Variants in KDSR observed in about 807,000 individuals in gnomAD.
The protein encoded by KDSR is 3-dehydrosphinganine reductase.
In KDSR, 23 loss-of-function variants were observed where a neutral mutation model predicts 41.3. The ratio of observed to expected loss-of-function variants is 0.56; its 90% CI spans 0.40 to 0.79. The LOEUF (loss-of-function observed/expected upper bound fraction) is 0.79. Ranked by LOEUF, KDSR falls within the 30% of genes least tolerant of loss-of-function variation. KDSR has a pLI of 0.00. For synonymous variants in KDSR, 138 were observed against 151.7 expected (o/e 0.91, Z 0.66); for missense variants, 351 against 416.8 (o/e 0.84, Z 1.37).
intron 1 of KDSR, chr18:63,366,468 GA>G (rs1915139977): frequency 1.3e-5 from 2 of 152,868 alleles, no homozygotes; most frequent in Admixed American, 1.3e-4. Flanking sequence ...TCACTTCCTG[GA>G]ATCCTCTGGC....
At position 63,355,573 on chromosome 18, in the gene KDSR, A is replaced by G. The variant is rs780045594; in HGVS notation, c.256-10T>C. On this transcript the variant is annotated splice_polypyrimidine_tract_variant and intron_variant, in intron 3 of 9. Transcript: ENST00000645214. The stretch of plus-strand genomic sequence containing the variant: ...ATATGCAAAGCACCACCTGTTAAAA[A>G]AGAAAAAAAGTGATCAAAGTTTTGC... 23 of 1,562,166 alleles carry G rather than the reference A, an allele frequency of 1.5e-5. No individual in the cohort carries two copies. The Admixed American group carries it at 2.0e-4, about 14-fold the overall frequency.
intron 1 of KDSR, among the ~76,000 whole-genome samples, chr18:63,363,864 A>T (rs1915060966): frequency 6.6e-6 from 1 of 152,206 alleles, no homozygotes; most frequent in Admixed American, 6.5e-5. Flanking sequence ...ATTCACTGTT[A>T]TACATAAATC....
chr18:63,348,620 C>A (rs138021861), intron 6 of KDSR, among the ~76,000 whole-genome samples: 17 of 152,162 alleles, frequency 1.1e-4, no homozygotes, highest in Admixed American at 2.6e-4. Flanking sequence ...CAGACTTGAG[C>A]GTGCAGGCCG....
intron 5 of KDSR, among the ~76,000 whole-genome samples, chr18:63,351,989 G>A (rs2144367241): frequency 6.6e-6 from 1 of 152,112 alleles, no homozygotes; most frequent in East Asian, 1.9e-4. Context: ...CTTTTATTTT[G>A]CCTAGGCTGG....
At chr18:63,363,381 C>T (rs1447213516) in intron 1 of KDSR, among the ~76,000 whole-genome samples, 2 of 111,494 alleles carry the variant, frequency 1.8e-5, no homozygotes, top group East Asian at 5.8e-4. Flanking sequence ...CTCCCCCGAC[C>T]CCACCACAGT....
rs1225454218 is a variant in KDSR, at chr18:63,330,404, G to A, written c.*1378C>T. On this transcript the variant is annotated 3_prime_UTR_variant, in exon 10 of 10. Transcript: ENST00000645214. ...GTGTGAACAATGAGCAGGATGCAAC[G>A]GGGAATGTTGGCTAAAACTCATCAG... The A allele has an allele frequency of 1.7e-5, 4 of 228,672 alleles. No homozygotes were observed. The highest frequency in any genetic ancestry group is 2.6e-5 in the Non-Finnish European group (3 of 115,272). The allele number at this position is 228,672 out of a possible 1,614,324, so 14.2% of individuals were successfully genotyped here. A position where few individuals can be genotyped will look rare whatever the true frequency, so the allele number is the denominator to read the frequency against.
At chr18:63,336,760 A>G (rs1175485714) in intron 8 of KDSR, among the ~76,000 whole-genome samples, 2 of 152,204 alleles carry the variant, frequency 1.3e-5, no homozygotes, top group Non-Finnish European at 2.9e-5. Context: ...CTAACCTTTA[A>G]GAAACTACCA....
chr18:63,334,232 A>G (rs539258047), intron 9 of KDSR, among the ~76,000 whole-genome samples: 41 of 152,352 alleles, frequency 2.7e-4, no homozygotes, highest in African/African-American at 6.7e-4. Context: ...AGTCATTTAT[A>G]TAAGTCTGAA....
In KDSR at chr18:63,328,414, G is replaced by A. The variant is rs368851860; in HGVS notation, c.*3368C>T. The A allele has an allele frequency of 3.9e-5, 6 of 155,010 alleles. No homozygotes were observed. The highest frequency in any genetic ancestry group is 1.6e-4 in the East Asian group (1 of 6,142). The allele number at this position is 155,010 out of a possible 1,614,324, so 9.6% of individuals were successfully genotyped here. ...GTCACCTAGGCTGGAGTGCAGTGGC[G>A]CAATCTTGGCTCACTGCAACCTCTG... On this transcript the variant is annotated 3_prime_UTR_variant, in exon 10 of 10. Transcript: ENST00000645214.
chr18:63,340,829 G>A (rs1914322671), intron 7 of KDSR, among the ~76,000 whole-genome samples: 1 of 152,178 alleles, frequency 6.6e-6, no homozygotes, highest in Non-Finnish European at 1.5e-5. Flanking sequence ...GTAGTTATAA[G>A]GCACTTTGTA....
In KDSR at chr18:63,355,168, T is replaced by C. The variant is rs375586149; in HGVS notation, c.417+36A>G. ...CCCGTAGCTTGCTCTGCTTTTAGCA[T>C]ATGTGCTACTGCAGTGAGCAAACAT... On this transcript the variant is annotated intron_variant, in intron 5 of 9. Transcript: ENST00000645214. 42 of 1,343,164 alleles carry C rather than the reference T, an allele frequency of 3.1e-5. No individual in the cohort carries two copies. The African/African-American group carries it at 5.7e-4, about 18-fold the overall frequency. 83.2% of individuals were successfully genotyped at this position (1,343,164 alleles called of 1,614,324 possible). A position where few individuals can be genotyped will look rare whatever the true frequency, so the allele number is the denominator to read the frequency against.
At chr18:63,340,893 T>G (rs1914324137) in intron 7 of KDSR, among the ~76,000 whole-genome samples, 1 of 152,166 alleles carries the variant, frequency 6.6e-6, no homozygotes, top group Non-Finnish European at 1.5e-5. Context: ...TCCCCAGCCC[T>G]CCTGCCCTGC....
At chr18:63,335,169 C>T in intron 9 of KDSR, 88 bp downstream of exon 9, 2 of 811,878 alleles carry the variant, frequency 2.5e-6, no homozygotes, top group Non-Finnish European at 2.1e-6. Flanking sequence ...CTTAGTTTTC[C>T]CTTAACCTCT....
At position 63,331,312 on chromosome 18, in the gene KDSR, GAGAGACAGAGAGAC is replaced by G. The variant is rs1913986606; in HGVS notation, c.*456_*469del. ...AGAGAGACAGAGAGACAGAGAGACA[GAGAGACAGAGAGAC>G]AGAGAGAGAGAGAGAGAGAACCCGA... On this transcript the variant is annotated 3_prime_UTR_variant, in exon 10 of 10. Transcript: ENST00000645214. The G allele has an allele frequency of 4.4e-6, 1 of 225,080 alleles. No homozygotes were observed. The highest frequency in any genetic ancestry group is 6.1e-5 in the East Asian group (1 of 16,284). The allele number at this position is 225,080 out of a possible 1,614,324, so 13.9% of individuals were successfully genotyped here. A position where few individuals can be genotyped will look rare whatever the true frequency, so the allele number is the denominator to read the frequency against.
chr18:63,359,022 T>C (rs1914885297), intron 3 of KDSR, among the ~76,000 whole-genome samples: 2 of 148,824 alleles, frequency 1.3e-5, no homozygotes, highest in South Asian at 2.1e-4. Flanking sequence ...CTACCAAAAA[T>C]ACAAAAATTA....
Position 63,367,141 on chromosome 18 carries a change from G to A in KDSR, c.-23C>T, listed in dbSNP as rs752053333. 15 of 1,259,344 alleles carry A rather than the reference G, an allele frequency of 1.2e-5. No homozygotes were observed. The highest frequency in any genetic ancestry group is 3.8e-5 in the Admixed American group (1 of 26,412). 78.0% of individuals were successfully genotyped at this position (1,259,344 alleles called of 1,614,324 possible). A position where few individuals can be genotyped will look rare whatever the true frequency, so the allele number is the denominator to read the frequency against. On this transcript the variant is annotated 5_prime_UTR_variant, in exon 1 of 10. Coordinates refer to ENST00000645214, the MANE Select transcript of KDSR (RefSeq NM_002035.4). ...CATCGCTCCGCGGGGCCAGGGGCCC[G>A]GAGCGGCCGGGCGGGGGCCGCCGGG... is the stretch of plus-strand genomic sequence containing the variant.
At chr18:63,362,734 C>A in intron 2 of KDSR, 45 bp downstream of exon 2, 2 of 1,320,110 alleles carry the variant, frequency 1.5e-6, no homozygotes, top group South Asian at 2.4e-5. Context: ...TGACTAATTT[C>A]AAGTCGAAGA....
chr18:63,331,774 T>C lies in KDSR; in HGVS notation c.*8A>G, dbSNP rs768592822. 6.2e-7 allele frequency: 1 copy of C among 1,612,102 alleles called. No homozygotes were observed. Among genetic ancestry groups the C allele is most frequent in the South Asian group, 1.1e-5 (1 of 90,636 alleles). On this transcript the variant is annotated 3_prime_UTR_variant, in exon 10 of 10. Transcript: ENST00000645214. ...TTGGAAACAGTCTTCTTCCAAGGGG[T>C]AAGAAGATTAGGCAGTTTTGTCTGC... is the stretch of plus-strand genomic sequence containing the variant.
chr18:63,361,869 C>T (rs1040682300), intron 2 of KDSR, among the ~76,000 whole-genome samples: 4 of 152,154 alleles, frequency 2.6e-5, no homozygotes, highest in African/African-American at 9.6e-5. Flanking sequence ...AAGTCTGCGA[C>T]ATTATTTAAA....
Sources: allele counts gnomAD v4.1 joint callset (sites outside exome capture counted in the v4.1 genomes callset), GRCh38; gene constraint gnomAD v4.1.1; transcripts MANE v1.5; gene names NCBI Gene and HGNC (gene_info 2026-07-23, HGNC 2026-07-21).